Variants in NLRP13 observed in about 807,000 individuals in gnomAD.
NLRP13 encodes the protein NACHT, LRR and PYD domains-containing protein 13.
In NLRP13, 82 loss-of-function variants were observed where a neutral mutation model predicts 94.4. The observed-to-expected ratio is 0.87, with a 90% CI of 0.73 to 1.04. The LOEUF is 1.04. Among genes scored for constraint, NLRP13 ranks in the 50% least tolerant of loss-of-function variants. The pLI, the probability that NLRP13 is intolerant of heterozygous loss-of-function variation, is 0.00. For synonymous variants in NLRP13, 553 were observed against 464.7 expected (o/e 1.19, Z -2.45); for missense variants, 1,426 against 1,230.8 (o/e 1.16, Z -2.37).
At chr19:55,909,903 CT>C (rs1430934428) in intron 6 of NLRP13, among the ~76,000 whole-genome samples, 1 of 152,172 alleles carries the variant, frequency 6.6e-6, no homozygotes, top group African/African-American at 2.4e-5. Flanking sequence ...TCAAGTCGGT[CT>C]TTACCCAAAT....
rs143522965 is a variant in NLRP13 at position 55,913,219 on chromosome 19, C to T, written c.598G>A (p.Asp200Asn). ...GATGTATTACGGATATATACGTGGT[C>T]TTTAGGCCAACTGATGTTGTCCCAT... ...ETWDNISWPK[D>N]HVYIRNTSKD... Residue 200 changes from aspartate (D) to asparagine (N), a missense_variant, in exon 5 of 11, where the codon GAC becomes AAC. Asp to Asn is a conservative substitution (Grantham distance 23). Transcript: ENST00000342929. 1.1e-4 allele frequency: 170 copies of T among 1,614,122 alleles called. No homozygotes were observed. The African/African-American group carries it at 2.1e-3, about 20-fold the overall frequency.
At chr19:55,893,773 A>G (rs940294726), downstream of NLRP13, among the ~76,000 whole-genome samples, 1 of 152,208 alleles carries the variant, frequency 6.6e-6, no homozygotes, top group African/African-American at 2.4e-5. Context: ...GCGTTCTACA[A>G]GAGGAGGCGA....
At chr19:55,930,901 A>ATATTTTT (rs1338071833) in intron 1 of NLRP13, among the ~76,000 whole-genome samples, 1,214 of 98,252 alleles carry the variant, frequency 0.012, 33 homozygotes, top group African/African-American at 0.029. Flanking sequence ...TATATATAAA[A>ATATTTTT]TTTTAACCAG....
intron 6 of NLRP13, among the ~76,000 whole-genome samples, chr19:55,910,221 C>T (rs904038008): frequency 6.6e-6 from 1 of 152,198 alleles, no homozygotes; most frequent in Non-Finnish European, 1.5e-5. Context: ...GAAGCAGTCT[C>T]AGACTACACG....
intron 1 of NLRP13, 49 bp from the exon 2 acceptor site, chr19:55,925,084 G>A (rs1986936649): frequency 1.3e-6 from 2 of 1,538,388 alleles, no homozygotes; most frequent in African/African-American, 1.4e-5. Context: ...GACTGAAAAT[G>A]GACCAGCAAT....
intron 9 of NLRP13, among the ~76,000 whole-genome samples, chr19:55,901,491 A>G (rs1211392708): frequency 6.6e-6 from 1 of 152,188 alleles, no homozygotes; most frequent in Non-Finnish European, 1.5e-5. Context: ...AAATAAGGAA[A>G]GGAAGGTGAG....
chr19:55,928,972 T>C (rs1987037032), intron 1 of NLRP13, among the ~76,000 whole-genome samples: 4 of 152,084 alleles, frequency 2.6e-5, no homozygotes, highest in Admixed American at 2.0e-4. Flanking sequence ...GGGCGAAGTA[T>C]ATGAACAGAC....
In NLRP13 at chr19:55,930,984, G is replaced by A. The variant is rs75094433; in HGVS notation, c.319+1009C>T. Reference sequence around the variant, plus strand: ...TTTATTACCACAATAAACACTGCACGATCCTACAACACCACAATCAGCCCT... The same window carrying A: ...TTTATTACCACAATAAACACTGCACAATCCTACAACACCACAATCAGCCCT... On this transcript the variant is annotated intron_variant, in intron 1 of 10. Transcript: ENST00000342929. Among the ~76,000 whole-genome samples, 660 of 150,538 alleles carry A rather than the reference G, an allele frequency of 4.4e-3. 6 individuals are homozygous for A. Among genetic ancestry groups the A allele is most frequent in the African/African-American group, 0.016 (633 of 40,534 alleles).
chr19:55,902,444 G>C (rs1019417641), intron 8 of NLRP13, among the ~76,000 whole-genome samples: 3 of 151,990 alleles, frequency 2.0e-5, no homozygotes, highest in Admixed American at 2.0e-4. Flanking sequence ...TTAGTGACTG[G>C]TTTAGGAAAA....
intron 4 of NLRP13, among the ~76,000 whole-genome samples, chr19:55,915,061 G>A (rs79809775): frequency 0.12 from 17,930 of 152,204 alleles, 1,373 homozygotes; most frequent in East Asian, 0.22. Context: ...GGAAAAGAGA[G>A]GGAAAGGAGA....
intron 4 of NLRP13, among the ~76,000 whole-genome samples, chr19:55,914,222 G>C (rs1380367393): frequency 6.6e-6 from 1 of 152,214 alleles, no homozygotes; most frequent in African/African-American, 2.4e-5. Flanking sequence ...CTGGGGTGAG[G>C]AGTGATTGAG....
At chr19:55,921,285 T>C (rs1047489123) in intron 4 of NLRP13, among the ~76,000 whole-genome samples, 5 of 152,148 alleles carry the variant, frequency 3.3e-5, no homozygotes, top group African/African-American at 1.2e-4. Flanking sequence ...TTTCTGTTAA[T>C]TTGGCAAATA....
intron 4 of NLRP13, among the ~76,000 whole-genome samples, chr19:55,917,270 A>G (rs1049580077): frequency 6.6e-6 from 1 of 152,122 alleles, no homozygotes; most frequent in Non-Finnish European, 1.5e-5. Context: ...AAAACACACA[A>G]AACTATAAAA....
intron 9 of NLRP13, among the ~76,000 whole-genome samples, chr19:55,899,572 G>C (rs972789629): frequency 1.3e-4 from 20 of 152,108 alleles, no homozygotes; most frequent in African/African-American, 4.8e-4. Flanking sequence ...ATGAGGTCAG[G>C]AGTTCGAGAC....
At chr19:55,928,230 T>G (rs1179816199) in intron 1 of NLRP13, among the ~76,000 whole-genome samples, 3 of 152,124 alleles carry the variant, frequency 2.0e-5, no homozygotes, top group Admixed American at 6.5e-5. Context: ...CCTGCAGCCT[T>G]CAGGCAGGAA....
chr19:55,924,676 G>C lies in NLRP13; in HGVS notation c.389-18C>G, dbSNP rs1038656838. On this transcript the variant is annotated intron_variant, in intron 2 of 10. Coordinates refer to ENST00000342929, the MANE Select transcript of NLRP13 (RefSeq NM_176810.2). ...CATATTCCCTGAAATAAACATTGAC[G>C]ATGAGATATGAAAATACCCCAGAGT... 6 of 1,605,920 alleles carry C rather than the reference G, an allele frequency of 3.7e-6. No individual in the cohort carries two copies.
At chr19:55,924,782 T>G in intron 2 of NLRP13, 124 bp from the exon 3 acceptor site, 1 of 889,166 alleles carries the variant, frequency 1.1e-6, no homozygotes, top group South Asian at 1.4e-5. Flanking sequence ...ACTGGAGGAA[T>G]CAGTATGCCC....
chr19:55,904,642 C>T (rs1282936455), intron 8 of NLRP13, among the ~76,000 whole-genome samples: 1 of 152,074 alleles, frequency 6.6e-6, no homozygotes, highest in East Asian at 1.9e-4. Context: ...TCATATCTAC[C>T]ACCCCAGCCT....
intron 9 of NLRP13, 64 bp from the exon 10 acceptor site, chr19:55,899,001 C>G (rs1986094084): frequency 8.0e-6 from 12 of 1,508,714 alleles, no homozygotes; most frequent in Non-Finnish European, 1.1e-5. Context: ...GCTGTGTTTA[C>G]AACTGCCCAT....
Sources: gnomAD v4.1 joint callset for allele counts (sites outside exome capture counted in the v4.1 genomes callset) on GRCh38, gnomAD v4.1.1 for gene constraint, MANE v1.5 for transcripts, NCBI Gene and HGNC (gene_info 2026-07-23, HGNC 2026-07-21) for gene names.